PPP1R16A: variants seen among roughly 807,000 people sequenced by gnomAD.
PPP1R16A encodes protein phosphatase 1 regulatory subunit 16A.
In PPP1R16A, 39 loss-of-function variants were observed where a neutral mutation model predicts 46.6. The ratio of observed to expected loss-of-function variants is 0.84; its 90% CI spans 0.65 to 1.09. The LOEUF (loss-of-function observed/expected upper bound fraction) is 1.09, where lower values mean the gene tolerates loss of function less well. Among genes scored for constraint, PPP1R16A ranks in the 50% least tolerant of loss-of-function variants. PPP1R16A has a pLI of 0.00. For synonymous variants in PPP1R16A, 413 were observed against 321.5 expected (o/e 1.28, Z -3.04); for missense variants, 798 against 735.6 (o/e 1.08, Z -0.98).
Position 144,500,201 on chromosome 8 carries a change from T to A in PPP1R16A, c.580+2T>A. 1 of 1,604,394 alleles carries A rather than the reference T, an allele frequency of 6.2e-7. No individual in the cohort carries two copies. Among genetic ancestry groups the A allele is most frequent in the Non-Finnish European group, 8.5e-7 (1 of 1,176,060 alleles). On this transcript the variant is annotated splice_donor_variant, in intron 6 of 11. Transcript: ENST00000435887. LOFTEE classifies it high-confidence loss of function. ...TGGAGACTGCCATGGCCGACCGTGG[T>A]AGGTGCGGCGGTGCGGCTGTGGGAG...
intron 11 of PPP1R16A, 106 bp downstream of exon 11, chr8:144,501,400 G>C: frequency 6.7e-7 from 1 of 1,481,816 alleles, no homozygotes; most frequent in Non-Finnish European, 9.0e-7. Context: ...ATGGTGCCCT[G>C]CAGGGGCCAG....
At chr8:144,480,407 C>T (rs570057845) in intron 1 of PPP1R16A, among the ~76,000 whole-genome samples, 16 of 152,284 alleles carry the variant, frequency 1.1e-4, no homozygotes, top group African/African-American at 2.4e-4. Flanking sequence ...CTCTGCCTCC[C>T]GCGTTCAAAT....
At chr8:144,485,342 G>A (rs1825595880) in intron 1 of PPP1R16A, among the ~76,000 whole-genome samples, 1 of 151,462 alleles carries the variant, frequency 6.6e-6, no homozygotes, top group Admixed American at 6.6e-5. Flanking sequence ...GGCCGACATG[G>A]TGAAACCGTG....
chr8:144,481,609 A>C (rs111327309), intron 1 of PPP1R16A, among the ~76,000 whole-genome samples: 1 of 152,020 alleles, frequency 6.6e-6, no homozygotes, highest in Non-Finnish European at 1.5e-5. Flanking sequence ...GCACCATTGC[A>C]CTCTAGCCTG....
At chr8:144,481,500 C>T (rs1009834105) in intron 1 of PPP1R16A, among the ~76,000 whole-genome samples, 1 of 151,686 alleles carries the variant, frequency 6.6e-6, no homozygotes, top group Non-Finnish European at 1.5e-5. Context: ...AAAAGTTAGC[C>T]AGGCATGGTG....
chr8:144,481,864 G>C (rs540231277), intron 1 of PPP1R16A, among the ~76,000 whole-genome samples: 1 of 151,470 alleles, frequency 6.6e-6, no homozygotes, highest in Non-Finnish European at 1.5e-5. Flanking sequence ...CGCATCCTCC[G>C]CCTGCCAGGT....
Position 144,499,073 on chromosome 8 carries a change from T to G in PPP1R16A, c.476+12T>G. On this transcript the variant is annotated intron_variant, in intron 5 of 11. Coordinates refer to ENST00000435887, the MANE Select transcript of PPP1R16A (RefSeq NM_001329443.2). ...CTGCTCATCGCCAGGTAGGGCCTGT[T>G]GGGCGTCCTTGGCAGGGAGAGGCTT... 1 of 1,562,494 alleles carries G rather than the reference T, an allele frequency of 6.4e-7. No individual in the cohort carries two copies. Among genetic ancestry groups the G allele is most frequent in the Non-Finnish European group, 8.7e-7 (1 of 1,152,052 alleles).
intron 1 of PPP1R16A, among the ~76,000 whole-genome samples, chr8:144,480,998 C>T (rs1398949319): frequency 1.3e-5 from 2 of 151,878 alleles, no homozygotes; most frequent in Non-Finnish European, 1.5e-5. Context: ...ACACCATTCT[C>T]CTGCCTCAGC....
At position 144,500,761 on chromosome 8, in the gene PPP1R16A, G is replaced by C. The variant is rs1354743625; in HGVS notation, c.907G>C (p.Asp303His). The change falls in exon 9 of 12, where the codon GAT becomes CAT. Residue 303 changes from aspartate (D) to histidine (H), a missense_variant and splice_region_variant. Coordinates refer to ENST00000435887, the MANE Select transcript of PPP1R16A (RefSeq NM_001329443.2). Reference sequence around the variant, plus strand: ...GTCCCTGATGGACGAGACGCCCCTTGGTGAGCTTGCGGGGCCCACCTCCAC... The same window carrying C: ...GTCCCTGATGGACGAGACGCCCCTTCGTGAGCTTGCGGGGCCCACCTCCAC... Reference protein sequence around the residue: ...AKSLMDETPLDVCGDEEVRAK... With the variant: ...AKSLMDETPLHVCGDEEVRAK... 1 of 1,611,336 alleles carries C rather than the reference G, an allele frequency of 6.2e-7. No individual in the cohort carries two copies. The highest frequency in any genetic ancestry group is 1.7e-5 in the Admixed American group (1 of 59,914).
In PPP1R16A at chr8:144,482,655, C is replaced by CT. The variant is rs1192242667; in HGVS notation, c.-914+4547dup. ...GGCACATGCCAGCATGCCCAGCTAA[C>CT]TTTTTTTTTTTTTTTTTTTGGGACA... On this transcript the variant is annotated intron_variant, in intron 1 of 11. Coordinates refer to ENST00000435887, the MANE Select transcript of PPP1R16A (RefSeq NM_001329443.2). Among the ~76,000 whole-genome samples, 1,106 of 118,466 alleles carry CT rather than the reference C, an allele frequency of 9.3e-3. 46 individuals are homozygous for CT. The highest frequency in any genetic ancestry group is 0.03 in the African/African-American group (923 of 30,518). 77.7% of individuals were successfully genotyped at this position (118,466 alleles called of 152,430 possible). A position where few individuals can be genotyped will look rare whatever the true frequency, so the allele number is the denominator to read the frequency against.
intron 2 of PPP1R16A, chr8:144,496,127 G>A (rs1386346181): frequency 1.3e-5 from 2 of 152,200 alleles, no homozygotes; most frequent in African/African-American, 4.8e-5. Flanking sequence ...ACCCTGCCCA[G>A]CCTTAGGGCA....
chr8:144,496,804 G>C lies in PPP1R16A; in HGVS notation c.-391G>C. ...GCCCTCCCTTCCCCCTCAGCAGGGTGCCCGGAAGCTGGAACCTTGTTATCT... is the reference window on the plus strand; with the variant it reads ...GCCCTCCCTTCCCCCTCAGCAGGGTCCCCGGAAGCTGGAACCTTGTTATCT... On this transcript the variant is annotated 5_prime_UTR_variant, in exon 3 of 12. Coordinates refer to ENST00000435887, the MANE Select transcript of PPP1R16A (RefSeq NM_001329443.2). The C allele has an allele frequency of 3.6e-6, 1 of 278,604 alleles. No homozygotes were observed. The highest frequency in any genetic ancestry group is 7.0e-6 in the Non-Finnish European group (1 of 142,066). The allele number at this position is 278,604 out of a possible 1,614,324, so 17.3% of individuals were successfully genotyped here.
Position 144,501,650 on chromosome 8 carries a change from A to G in PPP1R16A, c.1334A>G (p.His445Arg). 2 of 1,610,718 alleles carry G rather than the reference A, an allele frequency of 1.2e-6. No individual in the cohort carries two copies. Among genetic ancestry groups the G allele is most frequent in the Non-Finnish European group, 1.7e-6 (2 of 1,179,016 alleles). Residue 445 changes from histidine to arginine, a missense_variant, in exon 12 of 12, where the codon CAC becomes CGC. By Grantham distance (29) the His-to-Arg change is conservative. Transcript: ENST00000435887. ...QLSPLDSTTP[H>R]TLVHDKAHHT... is the part of the protein sequence containing the mutation. ...AGCCCCCTGGACAGCACCACCCCCC[A>G]CACCCTGGTCCACGACAAGGCCCAC... is the stretch of plus-strand genomic sequence containing the variant.
intron 3 of PPP1R16A, chr8:144,497,828 G>A (rs1215338272): frequency 5.2e-6 from 2 of 384,490 alleles, no homozygotes; most frequent in Non-Finnish European, 1.0e-5. Context: ...GGCTGCTCAG[G>A]AGAGCCCTGG....
chr8:144,491,446 T>C (rs548450512), intron 2 of PPP1R16A, among the ~76,000 whole-genome samples: 3 of 152,016 alleles, frequency 2.0e-5, no homozygotes, highest in Admixed American at 2.0e-4. Flanking sequence ...GGAAACACTG[T>C]CTCTACAAAA....
Position 144,500,898 on chromosome 8 carries a change from G to A in PPP1R16A, c.964G>A (p.Asp322Asn), listed in dbSNP as rs755279250. The A allele has an allele frequency of 3.1e-5, 48 of 1,543,202 alleles. 2 individuals are homozygous for A. In the South Asian group the frequency reaches 5.1e-4, roughly 17 times the overall value. Residue 322 changes from aspartate (D) to asparagine (N), a missense_variant, in exon 10 of 12, where the codon GAC becomes AAC. Asp to Asn is a conservative substitution (Grantham distance 23, BLOSUM62 1). Transcript: ENST00000435887. ...GCTGCTGGAGCTGAAGCACAAGCAC[G>A]ACGCCCTCCTGCGCGCCCAGAGCCG... ...AKLLELKHKH[D>N]ALLRAQSRQR...
At chr8:144,497,482 C>T in intron 3 of PPP1R16A, 29 bp downstream of exon 3, 1 of 1,610,272 alleles carries the variant, frequency 6.2e-7, no homozygotes, top group Non-Finnish European at 8.5e-7. Context: ...AGAGCAGCTC[C>T]CAGCAGACGG....
Position 144,501,793 on chromosome 8 carries a change from C to T in PPP1R16A, c.1477C>T (p.Pro493Ser), listed in dbSNP as rs1826509733. 7 of 1,558,170 alleles carry T rather than the reference C, an allele frequency of 4.5e-6. No individual in the cohort carries two copies. Among genetic ancestry groups the T allele is most frequent in the Non-Finnish European group, 6.1e-6 (7 of 1,152,100 alleles). Residue 493 changes from proline (P) to serine (S), a missense_variant, in exon 12 of 12, where the codon CCC becomes TCC. Coordinates refer to ENST00000435887, the MANE Select transcript of PPP1R16A (RefSeq NM_001329443.2). Reference protein sequence around the residue: ...EPGLPGDTVTPQPDCGFRAGG... With the variant: ...EPGLPGDTVTSQPDCGFRAGG... ...TGGCCTGCCTGGTGACACGGTGACC[C>T]CCCAGCCTGACTGTGGCTTCAGGGC...
intron 3 of PPP1R16A, chr8:144,497,882 G>A: frequency 2.7e-6 from 1 of 368,720 alleles, no homozygotes; most frequent in Non-Finnish European, 5.4e-6. Flanking sequence ...ACCTCTGTGG[G>A]TGAGAGAGCC....
Sources: gnomAD v4.1 joint callset for allele counts (sites outside exome capture counted in the v4.1 genomes callset) on GRCh38, gnomAD v4.1.1 for gene constraint, MANE v1.5 for transcripts, NCBI Gene and HGNC (gene_info 2026-07-23, HGNC 2026-07-21) for gene names.